PRSS23: variants seen among roughly 807,000 people sequenced by gnomAD.
PRSS23 encodes the protein serine protease 23.
A neutral mutation model predicts 34.7 loss-of-function variants in PRSS23; 25 were observed. That is an observed-to-expected ratio of 0.72 (90% CI 0.53 to 1.01). PRSS23 has a LOEUF of 1.01. PRSS23 is among the 50% of genes least tolerant of loss of function. The pLI, the probability that PRSS23 is intolerant of heterozygous loss-of-function variation, is 0.00. For missense variants in PRSS23, 445 were observed against 475.6 expected (o/e 0.94, Z 0.60); for synonymous variants, 176 against 186.6 (o/e 0.94, Z 0.46).
chr11:86,896,052 G>A (rs1328755583), intron 2 of PRSS23, among the ~76,000 whole-genome samples: 1 of 152,110 alleles, frequency 6.6e-6, no homozygotes, highest in Non-Finnish European at 1.5e-5. Context: ...ATCTGCCTTT[G>A]TCTCTTATTT....
intron 2 of PRSS23, among the ~76,000 whole-genome samples, chr11:86,879,671 G>T (rs1948756629): frequency 7.2e-6 from 1 of 139,530 alleles, no homozygotes; most frequent in African/African-American, 2.6e-5. Context: ...CCGGGAAGGA[G>T]GTGGGGGGGT....
At chr11:86,821,788 C>G (rs1948254009) in intron 1 of PRSS23, 1 of 934,316 alleles carries the variant, frequency 1.1e-6, no homozygotes. Flanking sequence ...CGTTCCGCCT[C>G]AGCACGCTGC....
At chr11:86,863,856 G>T (rs969753425) in intron 2 of PRSS23, among the ~76,000 whole-genome samples, 2 of 152,208 alleles carry the variant, frequency 1.3e-5, no homozygotes, top group African/African-American at 4.8e-5. Flanking sequence ...TAAAGAGCAA[G>T]GCTGCATTGT....
chr11:86,866,734 A>G (rs749787012), intron 2 of PRSS23, among the ~76,000 whole-genome samples: 4 of 152,142 alleles, frequency 2.6e-5, no homozygotes, highest in Admixed American at 1.3e-4. Flanking sequence ...TCCCTCATGA[A>G]TAGATTGATG....
At chr11:86,861,821 T>C (rs560687226) in intron 2 of PRSS23, among the ~76,000 whole-genome samples, 2 of 151,950 alleles carry the variant, frequency 1.3e-5, no homozygotes, top group African/African-American at 4.8e-5. Flanking sequence ...CTTTGTGATA[T>C]TGTTTGTAAT....
intron 2 of PRSS23, among the ~76,000 whole-genome samples, chr11:86,831,711 A>G (rs1948357859): frequency 6.6e-6 from 1 of 151,514 alleles, no homozygotes; most frequent in Non-Finnish European, 1.5e-5. Context: ...GATGTTATTC[A>G]TAATATCCTA....
intron 1 of PRSS23, chr11:86,821,708 G>T: frequency 2.1e-6 from 3 of 1,462,280 alleles, no homozygotes; most frequent in Non-Finnish European, 2.8e-6. Context: ...ATATACTGTT[G>T]AACAGCTAGT....
At chr11:86,826,357 T>C (rs1215802589) in intron 2 of PRSS23, among the ~76,000 whole-genome samples, 1 of 152,242 alleles carries the variant, frequency 6.6e-6, no homozygotes, top group African/African-American at 2.4e-5. Context: ...CCTGAGACTT[T>C]GCTGAAGTTG....
chr11:86,884,674 T>C (rs1299454364), intron 2 of PRSS23, among the ~76,000 whole-genome samples: 2 of 152,240 alleles, frequency 1.3e-5, no homozygotes, highest in Non-Finnish European at 2.9e-5. Flanking sequence ...CCAAATTGCT[T>C]TGCATAACAC....
chr11:86,796,468 C>G (rs1002419137), upstream of PRSS23, among the ~76,000 whole-genome samples: 1 of 151,414 alleles, frequency 6.6e-6, no homozygotes, highest in Non-Finnish European at 1.5e-5. Flanking sequence ...GGTGAAACCC[C>G]GTCTCTACTA....
chr11:86,855,160 C>T (rs1043803614), intron 2 of PRSS23, among the ~76,000 whole-genome samples: 1 of 148,830 alleles, frequency 6.7e-6, no homozygotes. Flanking sequence ...GAGCAAAACT[C>T]CACCTCAATT....
chr11:86,806,320 T>C (rs184828767), intron 1 of PRSS23, among the ~76,000 whole-genome samples: 1 of 152,230 alleles, frequency 6.6e-6, no homozygotes, highest in Admixed American at 6.5e-5. Context: ...CTCTGTCTTA[T>C]GTTATCAGAC....
At chr11:86,796,826 G>C (rs918720897), upstream of PRSS23, among the ~76,000 whole-genome samples, 1 of 152,068 alleles carries the variant, frequency 6.6e-6, no homozygotes, top group African/African-American at 2.4e-5. Flanking sequence ...AAGTAGTTTT[G>C]TGAACACAGT....
intron 2 of PRSS23, among the ~76,000 whole-genome samples, chr11:86,918,103 T>C (rs1456242922): frequency 6.6e-6 from 1 of 152,204 alleles, no homozygotes; most frequent in African/African-American, 2.4e-5. Context: ...TTTTAGAAAA[T>C]GTTAAGACGA....
intron 2 of PRSS23, among the ~76,000 whole-genome samples, chr11:86,917,736 G>A (rs904305986): frequency 6.6e-6 from 1 of 152,198 alleles, no homozygotes; most frequent in Admixed American, 6.5e-5. Context: ...ATGGAGAAAA[G>A]ATTGGACCAC....
chr11:86,800,404 G>A (rs968900267), upstream of PRSS23: 8 of 968,030 alleles, frequency 8.3e-6, no homozygotes, highest in African/African-American at 1.2e-4. Flanking sequence ...GAGCGGCGAG[G>A]GGAGGGGGGC....
chr11:86,878,433 T>G, intron 2 of PRSS23, among the ~76,000 whole-genome samples: 1 of 152,108 alleles, frequency 6.6e-6, no homozygotes, highest in Non-Finnish European at 1.5e-5. Flanking sequence ...TGACTGCTTT[T>G]CGTATTTTTT....
Position 86,951,313 on chromosome 11 carries a change from A to C in PRSS23, c.*28A>C, listed in dbSNP as rs1949289424. 3 of 1,614,152 alleles carry C rather than the reference A, an allele frequency of 1.9e-6. No individual in the cohort carries two copies. The highest frequency in any genetic ancestry group is 2.5e-6 in the Non-Finnish European group (3 of 1,180,008). On this transcript the variant is annotated 3_prime_UTR_variant, in exon 3 of 3. Transcript: ENST00000533902. The stretch of plus-strand genomic sequence containing the variant: ...TGATGCCCACCAACAAAGACATAAA[A>C]ATTTTCAACATTTCAACAGCCATGT...
intron 2 of PRSS23, among the ~76,000 whole-genome samples, chr11:86,858,938 G>A (rs1948592768): frequency 1.3e-5 from 2 of 150,726 alleles, no homozygotes; most frequent in Non-Finnish European, 3.0e-5. Flanking sequence ...TCCCAATATC[G>A]CAGAGGCAGT....
Sources: gnomAD v4.1 joint callset for allele counts (sites outside exome capture counted in the v4.1 genomes callset) on GRCh38, gnomAD v4.1.1 for gene constraint, MANE v1.5 for transcripts, NCBI Gene and HGNC (gene_info 2026-07-23, HGNC 2026-07-21) for gene names.